SHB: variants seen among roughly 807,000 people sequenced by gnomAD.
SHB encodes SH2 domain containing adaptor protein B.
SHB carries 20 observed loss-of-function variants against 52.3 expected under a neutral mutation model. The observed-to-expected ratio is 0.38, with a 90% CI of 0.27 to 0.56. The LOEUF is 0.56. Among genes scored for constraint, SHB ranks in the 20% least tolerant of loss-of-function variants. The probability of loss-of-function intolerance (pLI) is 0.71; values close to 1 mark genes in which losing one functional copy is unlikely to be tolerated. For missense variants in SHB, 825 were observed against 723.3 expected (o/e 1.14, Z -1.61); for synonymous variants, 397 against 316.5 (o/e 1.25, Z -2.70).
chr9:38,017,201 T>A (rs1450572977), intron 1 of SHB, among the ~76,000 whole-genome samples: 1 of 152,204 alleles, frequency 6.6e-6, no homozygotes, highest in African/African-American at 2.4e-5. Flanking sequence ...CTCTTGCCCT[T>A]TTTGGTCACA....
At chr9:37,956,166 G>A (rs1437076945) in intron 3 of SHB, 112 bp from the exon 4 acceptor site, 2 of 982,306 alleles carry the variant, frequency 2.0e-6, no homozygotes, top group Non-Finnish European at 3.0e-6. Flanking sequence ...CAGCTTGCAG[G>A]AGGAAGGGTT....
chr9:37,945,073 G>A (rs1176010947), intron 5 of SHB, among the ~76,000 whole-genome samples: 1 of 152,156 alleles, frequency 6.6e-6, no homozygotes, highest in Non-Finnish European at 1.5e-5. Context: ...AGGGTGCACG[G>A]GGTGTCCTCT....
At chr9:37,955,303 G>A (rs1209287822) in intron 4 of SHB, among the ~76,000 whole-genome samples, 2 of 152,136 alleles carry the variant, frequency 1.3e-5, no homozygotes, top group Non-Finnish European at 2.9e-5. Context: ...ACACAGTGTG[G>A]AGAGAAAAAG....
At chr9:37,968,628 A>G (rs1163538766) in intron 3 of SHB, among the ~76,000 whole-genome samples, 1 of 152,232 alleles carries the variant, frequency 6.6e-6, no homozygotes, top group Admixed American at 6.5e-5. Flanking sequence ...AAATGAGATG[A>G]CTTAGTTTCT....
At chr9:37,951,892 G>C (rs1832570367) in intron 4 of SHB, among the ~76,000 whole-genome samples, 1 of 152,234 alleles carries the variant, frequency 6.6e-6, no homozygotes, top group Admixed American at 6.5e-5. Context: ...GGCTGGGCTG[G>C]GCGGTCCTGT....
At chr9:37,976,099 A>C (rs1012040236) in intron 2 of SHB, among the ~76,000 whole-genome samples, 1 of 152,164 alleles carries the variant, frequency 6.6e-6, no homozygotes, top group Admixed American at 6.5e-5. Context: ...GCAGTGCTAC[A>C]ATCTCGGCTC....
chr9:38,018,332 A>G lies in SHB; in HGVS notation c.718-2201T>C, dbSNP rs570872560. ...GACTGTGATTCAGCAAGTGCTACCT[A>G]TATTTTCTAATTAAAATGAGATCTG... On this transcript the variant is annotated intron_variant, in intron 1 of 5. Transcript: ENST00000377707. Among the ~76,000 whole-genome samples, 10 of 152,270 alleles carry G rather than the reference A, an allele frequency of 6.6e-5. No homozygotes were observed. The South Asian group carries it at 1.9e-3, about 28-fold the overall frequency.
At chr9:38,015,986 GCCC>G (rs1821204927) in intron 2 of SHB, 22 bp downstream of exon 2, 1 of 1,612,414 alleles carries the variant, frequency 6.2e-7, no homozygotes, top group African/African-American at 1.3e-5. Context: ...CCAGCTGTGA[GCCC>G]CTGCGCTTCA....
At chr9:38,004,125 C>A (rs1821052149) in intron 2 of SHB, among the ~76,000 whole-genome samples, 1 of 152,226 alleles carries the variant, frequency 6.6e-6, no homozygotes, top group Non-Finnish European at 1.5e-5. Flanking sequence ...TTGCGGAAGC[C>A]TCTGCTCCAG....
At chr9:37,929,476 A>G (rs372533312) in intron 5 of SHB, among the ~76,000 whole-genome samples, 21 of 152,336 alleles carry the variant, frequency 1.4e-4, no homozygotes, top group African/African-American at 4.8e-4. Context: ...GCTGGGCAGG[A>G]GCCACTGCAC....
At chr9:38,050,078 A>C (rs760443815) in intron 1 of SHB, among the ~76,000 whole-genome samples, 3 of 152,226 alleles carry the variant, frequency 2.0e-5, no homozygotes, top group South Asian at 4.1e-4. Context: ...GGCGTAAGCC[A>C]CTGCGCCCAG....
In SHB at chr9:38,068,527, G is replaced by A. The variant is rs756635370; in HGVS notation, c.119C>T (p.Pro40Leu). 87 of 1,456,186 alleles carry A rather than the reference G, an allele frequency of 6.0e-5. 1 individual carries two copies. The highest frequency in any genetic ancestry group is 1.1e-4 in the East Asian group (4 of 35,136). The allele number at this position is 1,456,186 out of a possible 1,614,324, so 90.2% of individuals were successfully genotyped here. ...GGAGGCCTGCGGCACGGCCTGGGGG[G>A]GCTGCGAAGGCCGCTCGCCTCGGCG... The part of the protein sequence containing the change: ...QRRRGERPSQ[P>L]PQAVPQASSA... Residue 40 changes from proline (P) to leucine (L), a missense_variant, in exon 1 of 6, where the codon CCC becomes CTC. By Grantham distance (98) the Pro-to-Leu change is moderately conservative. Transcript: ENST00000377707.
At chr9:37,953,493 G>A (rs1832591435) in intron 4 of SHB, among the ~76,000 whole-genome samples, 1 of 152,024 alleles carries the variant, frequency 6.6e-6, no homozygotes, top group African/African-American at 2.4e-5. Flanking sequence ...AATGATGGAG[G>A]AAGGAAGAGG....
chr9:37,980,872 T>C (rs1331201337), intron 2 of SHB, among the ~76,000 whole-genome samples: 2 of 148,368 alleles, frequency 1.3e-5, no homozygotes, highest in East Asian at 2.0e-4. Context: ...CAATCAGCAG[T>C]AGTATCTTTA....
At chr9:38,052,968 T>C (rs966837956) in intron 1 of SHB, among the ~76,000 whole-genome samples, 3 of 152,344 alleles carry the variant, frequency 2.0e-5, no homozygotes, top group East Asian at 3.9e-4. Context: ...TTTGGCAGCA[T>C]TGTCCTGAGA....
At chr9:38,017,030 C>T (rs927674412) in intron 1 of SHB, among the ~76,000 whole-genome samples, 1 of 152,224 alleles carries the variant, frequency 6.6e-6, no homozygotes. Context: ...CCACGTTTTC[C>T]CTGGAGAAGA....
chr9:38,061,769 G>C (rs184224772), intron 1 of SHB, among the ~76,000 whole-genome samples: 15 of 152,300 alleles, frequency 9.8e-5, no homozygotes, highest in African/African-American at 3.6e-4. Context: ...TTGTTGATCA[G>C]GGCCAATGTA....
At chr9:37,995,029 G>A (rs1258852575) in intron 2 of SHB, among the ~76,000 whole-genome samples, 2 of 152,134 alleles carry the variant, frequency 1.3e-5, no homozygotes, top group Non-Finnish European at 2.9e-5. Flanking sequence ...TATATCATCT[G>A]CTTGCATTTG....
At chr9:37,970,647 T>C (rs556719957) in intron 3 of SHB, among the ~76,000 whole-genome samples, 462 of 152,258 alleles carry the variant, frequency 3.0e-3, no homozygotes, top group African/African-American at 0.01. Context: ...GAGGCTCTGA[T>C]GGAATGAAGC....
Sources: allele counts gnomAD v4.1 joint callset (sites outside exome capture counted in the v4.1 genomes callset), GRCh38; gene constraint gnomAD v4.1.1; transcripts MANE v1.5; gene names NCBI Gene and HGNC (gene_info 2026-07-23, HGNC 2026-07-21).